PCDHB14: variants seen among roughly 807,000 people sequenced by gnomAD.
PCDHB14 encodes the protein protocadherin beta-14.
For synonymous variants in PCDHB14, 511 were observed against 441.5 expected (o/e 1.16, Z -1.97); for missense variants, 1,129 against 1,000.5 (o/e 1.13, Z -1.73).
rs148799298 is a variant in PCDHB14 at position 141,224,789 on chromosome 5, A to C, written c.1284A>C (p.Thr428=). The change falls in exon 1 of 1, where the codon ACA becomes ACC. Residue 428 remains threonine, a synonymous_variant. Transcript: ENST00000239449. Reference sequence around the variant, plus strand: ...CGATCACCGTCACAGACTTGGGGACACCCAGGCTGAAAACCGAGTACAACA... The same window carrying C: ...CGATCACCGTCACAGACTTGGGGACCCCCAGGCTGAAAACCGAGTACAACA... ...NITITVTDLG[T]PRLKTEYNIT... 1,896 of 1,614,148 alleles carry C rather than the reference A, an allele frequency of 1.2e-3. 28 individuals carry two copies. In the Middle Eastern group the frequency reaches 0.015, roughly 12 times the overall value.
In PCDHB14 at chr5:141,224,038, TCTACATTAAAATTC is replaced by T; in HGVS notation, c.535_548del (p.Tyr179ArgfsTer3). On this transcript the variant is annotated frameshift_variant, in exon 1 of 1. Coordinates refer to ENST00000239449, the MANE Select transcript of PCDHB14 (RefSeq NM_018934.4). LOFTEE classifies it low-confidence loss of function (END_TRUNC). ...TACACAATTAGCCCCAATTCTCACTTCTACATTAAAATTCCCGACAGTAGTGACAGAAAGATATA... is the reference window on the plus strand; with the variant it reads ...TACACAATTAGCCCCAATTCTCACTTCCGACAGTAGTGACAGAAAGATATA... The T allele has an allele frequency of 6.2e-7, 1 of 1,613,688 alleles. No individual in the cohort carries two copies. The highest frequency in any genetic ancestry group is 8.5e-7 in the Non-Finnish European group (1 of 1,179,890).
rs1554289584 is a variant in PCDHB14 at position 141,225,780 on chromosome 5, TC to T, written c.2277del (p.Thr761GlnfsTer7). On this transcript the variant is annotated frameshift_variant, in exon 1 of 1. Transcript: ENST00000239449. LOFTEE classifies it low-confidence loss of function (END_TRUNC). ...ATACGAGGTGTGTCTGACAGGAGGT[TC>T]CGGGACAAATGAGTTCAAATTTCTG... ...YQYEVCLTGGSGTNEFKFLKP... is the reference protein window; with the variant it reads ...YQYEVCLTGGXGTNEFKFLKP... 4 of 1,614,200 alleles carry T rather than the reference TC, an allele frequency of 2.5e-6. No individual in the cohort carries two copies. The South Asian group carries it at 4.4e-5, about 18-fold the overall frequency.
rs1754782762 is a variant in PCDHB14 at position 141,224,213 on chromosome 5, T to C, written c.708T>C (p.Asn236=). 2 of 1,613,736 alleles carry C rather than the reference T, an allele frequency of 1.2e-6. No homozygotes were observed. The highest frequency in any genetic ancestry group is 1.7e-6 in the Non-Finnish European group (2 of 1,179,890). Residue 236 remains asparagine, a synonymous_variant, in exon 1 of 1, where the codon AAT becomes AAC. Coordinates refer to ENST00000239449, the MANE Select transcript of PCDHB14 (RefSeq NM_018934.4). ...TTCTCATCAAGGTGTTGGACATCAA[T>C]GATAATGCCCCTGAGTTTCCTCAGA... ...TLVLIKVLDI[N]DNAPEFPQSL... is the part of the protein sequence containing the mutation.
rs1754808414 is a variant in PCDHB14 at position 141,224,936 on chromosome 5, C to G, written c.1431C>G (p.Asp477Glu). The G allele has an allele frequency of 1.2e-6, 2 of 1,612,822 alleles. No homozygotes were observed. The highest frequency in any genetic ancestry group is 2.7e-5 in the African/African-American group (2 of 75,022). Reference sequence around the variant, plus strand: ...ACATCGGCAGCGTCAGCGCCACAGACAGAGACTCAGGCACCAACGCCCAGG... The same window carrying G: ...ACATCGGCAGCGTCAGCGCCACAGAGAGAGACTCAGGCACCAACGCCCAGG... ...ALHIGSVSAT[D>E]RDSGTNAQVN... is the part of the protein sequence containing the mutation. Residue 477 changes from aspartate (D) to glutamate (E), a missense_variant, in exon 1 of 1, where the codon GAC becomes GAG. Transcript: ENST00000239449.
Position 141,223,416 on chromosome 5 carries a change from T to C in PCDHB14, c.-90T>C. On this transcript the variant is annotated 5_prime_UTR_variant, in exon 1 of 1. Transcript: ENST00000239449. ...TACAGAGCTGCTGGAGGATACACTC[T>C]CCAGGGGGTTCCTGTTAAAAACCAG... 6 of 922,880 alleles carry C rather than the reference T, an allele frequency of 6.5e-6. No homozygotes were observed. In the South Asian group the frequency reaches 9.6e-5, roughly 15 times the overall value. The allele number at this position is 922,880 out of a possible 1,614,324, so 57.2% of individuals were successfully genotyped here. A position where few individuals can be genotyped will look rare whatever the true frequency, so the allele number is the denominator to read the frequency against.
chr5:141,224,996 C>T lies in PCDHB14; in HGVS notation c.1491C>T (p.His497=), dbSNP rs1336408941. Residue 497 remains histidine, a synonymous_variant, in exon 1 of 1, where the codon CAC becomes CAT. Coordinates refer to ENST00000239449, the MANE Select transcript of PCDHB14 (RefSeq NM_018934.4). The part of the protein sequence containing the change: ...NYSLLPPQDR[H]LPLASLVSIN... ...CGCTGCTGCCGCCCCAGGACCGGCA[C>T]CTGCCCCTCGCCTCCTTGGTCTCCA... 6.2e-6 allele frequency: 10 copies of T among 1,612,624 alleles called. No homozygotes were observed. The highest frequency in any genetic ancestry group is 1.7e-5 in the Admixed American group (1 of 60,030).
chr5:141,223,475 G>A lies in PCDHB14; in HGVS notation c.-31G>A, dbSNP rs781816228. 20 of 1,526,124 alleles carry A rather than the reference G, an allele frequency of 1.3e-5. No homozygotes were observed. The highest frequency in any genetic ancestry group is 1.6e-5 in the Non-Finnish European group (18 of 1,125,482). The allele number at this position is 1,526,124 out of a possible 1,614,324, so 94.5% of individuals were successfully genotyped here. A position where few individuals can be genotyped will look rare whatever the true frequency, so the allele number is the denominator to read the frequency against. On this transcript the variant is annotated 5_prime_UTR_variant, in exon 1 of 1. Transcript: ENST00000239449. ...CTTCCAAAATTACGGCTGAGCTTCA[G>A]TTTTTCCACAAGAGATTGCCTAAAG...
In PCDHB14 at chr5:141,225,029, G is replaced by A; in HGVS notation, c.1524G>A (p.Ala508=). 2.5e-6 allele frequency: 4 copies of A among 1,612,616 alleles called. No individual in the cohort carries two copies. Among genetic ancestry groups the A allele is most frequent in the Non-Finnish European group, 2.5e-6 (3 of 1,180,014 alleles). ...LPLASLVSIN[A]DNGHLFALRS... ...TCGCCTCCTTGGTCTCCATCAACGCGGACAATGGCCACCTGTTTGCCCTCA... is the reference window on the plus strand; with the variant it reads ...TCGCCTCCTTGGTCTCCATCAACGCAGACAATGGCCACCTGTTTGCCCTCA... The change falls in exon 1 of 1, where the codon GCG becomes GCA. Residue 508 remains alanine (A), a synonymous_variant. Transcript: ENST00000239449.
In PCDHB14 at chr5:141,227,430, A is replaced by C. The variant is rs1285586460; in HGVS notation, c.*1528A>C. 3 of 152,214 alleles carry C rather than the reference A, an allele frequency of 2.0e-5. No homozygotes were observed. Among genetic ancestry groups the C allele is most frequent in the African/African-American group, 7.2e-5 (3 of 41,444 alleles). 9.4% of individuals were successfully genotyped at this position (152,214 alleles called of 1,614,324 possible). ...TGGTTTATAGTTGCCTCATCATGTAACATATTATATCTCAGCTCTAAAAGA... is the reference window on the plus strand; with the variant it reads ...TGGTTTATAGTTGCCTCATCATGTACCATATTATATCTCAGCTCTAAAAGA... On this transcript the variant is annotated 3_prime_UTR_variant, in exon 1 of 1. Coordinates refer to ENST00000239449, the MANE Select transcript of PCDHB14 (RefSeq NM_018934.4).
rs1754799632 is a variant in PCDHB14, at chr5:141,224,702, C to T, written c.1197C>T (p.Asn399=). 1 of 1,614,040 alleles carries T rather than the reference C, an allele frequency of 6.2e-7. No individual in the cohort carries two copies. Among genetic ancestry groups the T allele is most frequent in the Non-Finnish European group, 8.5e-7 (1 of 1,180,032 alleles). Residue 399 remains asparagine (N), a synonymous_variant, in exon 1 of 1, where the codon AAC becomes AAT. Transcript: ENST00000239449. ...TTTTCCTGAAACCGACCTTCAAGAACTTTTTCACTCTAGTTTCTGAAAAAG... is the reference window on the plus strand; with the variant it reads ...TTTTCCTGAAACCGACCTTCAAGAATTTTTTCACTCTAGTTTCTGAAAAAG... ...LPFFLKPTFK[N]FFTLVSEKAL... is the part of the protein sequence containing the mutation.
rs781964415 is a variant in PCDHB14 at position 141,224,311 on chromosome 5, T to G, written c.806T>G (p.Leu269Arg). The G allele has an allele frequency of 1.9e-6, 3 of 1,614,094 alleles. No homozygotes were observed. The highest frequency in any genetic ancestry group is 3.3e-5 in the Admixed American group (2 of 60,014). Residue 269 changes from leucine to arginine, a missense_variant, in exon 1 of 1, where the codon CTG becomes CGG. Transcript: ENST00000239449. Reference protein sequence around the residue: ...SWIATISAKDLDAGNYGKISY... With the variant: ...SWIATISAKDRDAGNYGKISY... ...ATTGCCACCATCTCAGCTAAGGATC[T>G]GGATGCAGGAAACTATGGAAAAATA...
In PCDHB14 at chr5:141,224,707, T is replaced by C; in HGVS notation, c.1202T>C (p.Phe401Ser). The C allele has an allele frequency of 6.2e-7, 1 of 1,614,150 alleles. No individual in the cohort carries two copies. Among genetic ancestry groups the C allele is most frequent in the Non-Finnish European group, 8.5e-7 (1 of 1,180,018 alleles). Residue 401 changes from phenylalanine (F) to serine (S), a missense_variant, in exon 1 of 1, where the codon TTC (phenylalanine) becomes TCC (serine). Transcript: ENST00000239449. Reference sequence around the variant, plus strand: ...CTGAAACCGACCTTCAAGAACTTTTTCACTCTAGTTTCTGAAAAAGCACTG... The same window carrying C: ...CTGAAACCGACCTTCAAGAACTTTTCCACTCTAGTTTCTGAAAAAGCACTG... ...FFLKPTFKNF[F>S]TLVSEKALDR...
In PCDHB14 at chr5:141,225,441, G is replaced by A. The variant is rs1266204480; in HGVS notation, c.1936G>A (p.Asp646Asn). ...AKHRLVVLVK[D>N]NGEPPRSATA... is the part of the protein sequence containing the mutation. ...GCACAGGCTGGTGGTGCTGGTCAAG[G>A]ACAATGGCGAGCCTCCTCGCTCGGC... The change falls in exon 1 of 1, where the codon GAC becomes AAC. Residue 646 changes from aspartate (D) to asparagine (N), a missense_variant. By Grantham distance (23) the Asp-to-Asn change is conservative (BLOSUM62 1). Transcript: ENST00000239449. The A allele has an allele frequency of 6.2e-7, 1 of 1,603,846 alleles. No individual in the cohort carries two copies. Among genetic ancestry groups the A allele is most frequent in the East Asian group, 2.2e-5 (1 of 44,834 alleles).
chr5:141,223,802 C>T lies in PCDHB14; in HGVS notation c.297C>T (p.Thr99=), dbSNP rs782692334. Residue 99 remains threonine (T), a synonymous_variant, in exon 1 of 1, where the codon ACC becomes ACT. Transcript: ENST00000239449. ...ACCGAGACGAGCTGTGTGGCTCCACCGAGCCCTGTGTGCTGCATTTTCAGG... is the reference window on the plus strand; with the variant it reads ...ACCGAGACGAGCTGTGTGGCTCCACTGAGCCCTGTGTGCTGCATTTTCAGG... The part of the protein sequence containing the change: ...KLDRDELCGS[T]EPCVLHFQVV... 1.4e-5 allele frequency: 22 copies of T among 1,613,898 alleles called. No individual in the cohort carries two copies. The highest frequency in any genetic ancestry group is 2.2e-5 in the East Asian group (1 of 44,888).
Position 141,225,847 on chromosome 5 carries a change from G to A in PCDHB14, c.2342G>A (p.Arg781Lys). Residue 781 changes from arginine (R) to lysine (K), a missense_variant, in exon 1 of 1, where the codon AGG becomes AAG. Physicochemically the swap from Arg to Lys is conservative, Grantham distance 26. Transcript: ENST00000239449. The part of the protein sequence containing the change: ...IPNFQVHDTG[R>K]NMGEIENFRN... ...AATTTTCAAGTTCATGACACTGGTA[G>A]GAATATGGGGGAAATCGAGAACTTT... The A allele has an allele frequency of 7.4e-6, 12 of 1,614,152 alleles. No individual in the cohort carries two copies. Among genetic ancestry groups the A allele is most frequent in the African/African-American group, 2.7e-5 (2 of 75,050 alleles).
rs1165096235 is a variant in PCDHB14 at position 141,225,627 on chromosome 5, T to C, written c.2122T>C (p.Phe708Leu). 5.6e-6 allele frequency: 9 copies of C among 1,612,906 alleles called. No homozygotes were observed. The African/African-American group carries it at 6.7e-5, about 12-fold the overall frequency. Residue 708 changes from phenylalanine (F) to leucine (L), a missense_variant, in exon 1 of 1, where the codon TTC (phenylalanine) becomes CTC (leucine). Coordinates refer to ENST00000239449, the MANE Select transcript of PCDHB14 (RefSeq NM_018934.4). Reference sequence around the variant, plus strand: ...GCTCTTCCTCTTCTCGGTGCTCCTGTTCGTGGCGGTGCGGCTGTGCAGGAG... The same window carrying C: ...GCTCTTCCTCTTCTCGGTGCTCCTGCTCGTGGCGGTGCGGCTGTGCAGGAG... ...SSLFLFSVLL[F>L]VAVRLCRRSR...
In PCDHB14 at chr5:141,225,733, G is replaced by A; in HGVS notation, c.2228G>A (p.Gly743Glu). ...CATCTGGTGGACGTGAGCGGCACCG[G>A]GACCCTGTCCCAGAGCTACCAATAC... ...PGHLVDVSGT[G>E]TLSQSYQYEV... Residue 743 changes from glycine (G) to glutamate (E), a missense_variant, in exon 1 of 1, where the codon GGG becomes GAG. By Grantham distance (98) the Gly-to-Glu change is moderately conservative. Coordinates refer to ENST00000239449, the MANE Select transcript of PCDHB14 (RefSeq NM_018934.4). The A allele has an allele frequency of 6.2e-7, 1 of 1,614,236 alleles. No homozygotes were observed. Among genetic ancestry groups the A allele is most frequent in the East Asian group, 2.2e-5 (1 of 44,858 alleles).
At position 141,226,593 on chromosome 5, in the gene PCDHB14, G is replaced by A. The variant is rs1754866643; in HGVS notation, c.*691G>A. 6.6e-6 allele frequency: 1 copy of A among 151,994 alleles called. No homozygotes were observed. Among genetic ancestry groups the A allele is most frequent in the South Asian group, 2.1e-4 (1 of 4,818 alleles). The allele number at this position is 151,994 out of a possible 1,614,324, so 9.4% of individuals were successfully genotyped here. On this transcript the variant is annotated 3_prime_UTR_variant, in exon 1 of 1. Coordinates refer to ENST00000239449, the MANE Select transcript of PCDHB14 (RefSeq NM_018934.4). The stretch of plus-strand genomic sequence containing the variant: ...TATTTATTTATGTTTTTTGAGACAG[G>A]GTCTCATTCCATTGACCTGGCTGGA...
Position 141,224,822 on chromosome 5 carries a change from G to A in PCDHB14, c.1317G>A (p.Val439=), listed in dbSNP as rs1554289248. 3.5e-5 allele frequency: 56 copies of A among 1,613,916 alleles called. No homozygotes were observed. The highest frequency in any genetic ancestry group is 4.4e-5 in the Non-Finnish European group (52 of 1,180,044). Residue 439 remains valine (V), a synonymous_variant, in exon 1 of 1, where the codon GTG becomes GTA. Transcript: ENST00000239449. ...TGAAAACCGAGTACAACATAACCGT[G>A]CTGCTCTCTGACGTCAATGACAACG... ...PRLKTEYNIT[V]LLSDVNDNAP...
Sources: gnomAD v4.1 joint callset for allele counts on GRCh38, gnomAD v4.1.1 for gene constraint, MANE v1.5 for transcripts, NCBI Gene and HGNC (gene_info 2026-07-23, HGNC 2026-07-21) for gene names.